Variants in SYNPR observed in about 807,000 individuals in gnomAD.
SYNPR encodes synaptoporin.
A neutral mutation model predicts 32.9 loss-of-function variants in SYNPR; 23 were observed. That is an observed-to-expected ratio of 0.70 (90% CI 0.50 to 0.99). The LOEUF (loss-of-function observed/expected upper bound fraction) is 0.99, where lower values mean the gene tolerates loss of function less well. SYNPR is among the 50% of genes least tolerant of loss of function. The probability of loss-of-function intolerance (pLI) is 0.00; values close to 1 mark genes in which losing one functional copy is unlikely to be tolerated. For missense variants in SYNPR, 318 were observed against 349.3 expected (o/e 0.91, Z 0.71); for synonymous variants, 146 against 135.9 (o/e 1.07, Z -0.52).
chr3:63,411,427 T>C (rs1375867164), intron 2 of SYNPR, among the ~76,000 whole-genome samples: 2 of 152,184 alleles, frequency 1.3e-5, no homozygotes, highest in Non-Finnish European at 2.9e-5. Flanking sequence ...AAGTCAGGCA[T>C]AATCTCAGCT....
At position 63,382,568 on chromosome 3, in the gene SYNPR, T is replaced by C. The variant is rs115437237; in HGVS notation, c.85-98264T>C. On this transcript the variant is annotated intron_variant, in intron 2 of 5. Coordinates refer to ENST00000478300, the MANE Select transcript of SYNPR (RefSeq NM_001130003.2). ...TTGTTGGAACTTTGTCTGCCCTCAT[T>C]GGTATTTCCAGATTGCTGGCTTTTC... 8.2e-3 allele frequency among the ~76,000 whole-genome samples: 1,252 copies of C among 152,344 alleles called. 27 individuals are homozygous for C. The highest frequency in any genetic ancestry group is 0.028 in the African/African-American group (1,181 of 41,572).
intron 4 of SYNPR, among the ~76,000 whole-genome samples, chr3:63,605,843 G>A (rs1334191212): frequency 6.6e-6 from 1 of 152,252 alleles, no homozygotes; most frequent in African/African-American, 2.4e-5. Flanking sequence ...TGGTGAGTCT[G>A]AGCAGCAGAC....
At chr3:63,568,847 T>C (rs919460833) in intron 4 of SYNPR, among the ~76,000 whole-genome samples, 3 of 152,138 alleles carry the variant, frequency 2.0e-5, no homozygotes, top group Non-Finnish European at 4.4e-5. Flanking sequence ...CCTCATGTGA[T>C]TGCTGGTTTG....
intron 2 of SYNPR, among the ~76,000 whole-genome samples, chr3:63,339,165 G>A (rs1377428714): frequency 6.6e-6 from 1 of 152,130 alleles, no homozygotes; most frequent in African/African-American, 2.4e-5. Flanking sequence ...AATCATATCA[G>A]TTATTTTGAC....
At chr3:63,211,667 T>C in the SYNPR span, among the ~76,000 whole-genome samples, 385 of 152,096 alleles carry the variant, frequency 2.5e-3, 6 homozygotes, top group African/African-American at 8.7e-3. Context: ...AATGAAGCAC[T>C]CTGCTGAGAA....
intron 2 of SYNPR, among the ~76,000 whole-genome samples, chr3:63,352,527 G>A (rs1284241481): frequency 6.6e-6 from 1 of 152,154 alleles, no homozygotes; most frequent in African/African-American, 2.4e-5. Flanking sequence ...GATGTAAACA[G>A]AGAATTTGTT....
intron 2 of SYNPR, among the ~76,000 whole-genome samples, chr3:63,425,805 T>A (rs1005593263): frequency 6.7e-6 from 1 of 149,650 alleles, no homozygotes; most frequent in Non-Finnish European, 1.5e-5. Context: ...TTTAGTAAGA[T>A]GAAGTCTTAC....
intron 3 of SYNPR, among the ~76,000 whole-genome samples, chr3:63,504,916 G>T (rs1701557807): frequency 2.0e-5 from 3 of 152,094 alleles, no homozygotes; most frequent in African/African-American, 7.2e-5. Flanking sequence ...TAGGGGAAGT[G>T]ATAAAAAGAG....
chr3:63,297,090 A>C (rs1211671446), intron 2 of SYNPR, among the ~76,000 whole-genome samples: 1 of 152,232 alleles, frequency 6.6e-6, no homozygotes, highest in Non-Finnish European at 1.5e-5. Context: ...TGCCCCATGC[A>C]TCTGGTTTTC....
intron 3 of SYNPR, among the ~76,000 whole-genome samples, chr3:63,532,324 T>C (rs1257548231): frequency 2.0e-5 from 3 of 152,148 alleles, no homozygotes; most frequent in Non-Finnish European, 2.9e-5. Flanking sequence ...GTCTTAGAGG[T>C]TATCAGCATG....
At chr3:63,527,419 C>T (rs538189661) in intron 3 of SYNPR, among the ~76,000 whole-genome samples, 58 of 151,918 alleles carry the variant, frequency 3.8e-4, no homozygotes, top group Non-Finnish European at 2.4e-4. Context: ...CTGTCATTCC[C>T]GTAATAAATA....
In SYNPR at chr3:63,391,742, A is replaced by G. The variant is rs1239290922; in HGVS notation, c.85-89090A>G. 2.0e-5 allele frequency among the ~76,000 whole-genome samples: 3 copies of G among 152,170 alleles called. No homozygotes were observed. The East Asian group carries it at 5.8e-4, about 29-fold the overall frequency. ...GGAAGATTTTGCTGGCTATGATCAT[A>G]TAGGAAGATAGTGGCAGACTGAGAG... On this transcript the variant is annotated intron_variant, in intron 2 of 5. Coordinates refer to ENST00000478300, the MANE Select transcript of SYNPR (RefSeq NM_001130003.2).
chr3:63,414,925 AG>A (rs2088520192), intron 2 of SYNPR, among the ~76,000 whole-genome samples: 1 of 152,202 alleles, frequency 6.6e-6, no homozygotes, highest in Non-Finnish European at 1.5e-5. Flanking sequence ...TATCTCTAAA[AG>A]TGCAAAATTT....
rs553626450 is a variant in SYNPR at position 63,401,140 on chromosome 3, G to T, written c.85-79692G>T. On this transcript the variant is annotated intron_variant, in intron 2 of 5. Transcript: ENST00000478300. ...TATAATGCAGGTGGGAAAAGGAAAA[G>T]AGATAAAACGATGGCATTCATGTAC... Among the ~76,000 whole-genome samples, 11 of 152,194 alleles carry T rather than the reference G, an allele frequency of 7.2e-5. No individual in the cohort carries two copies. In the South Asian group the frequency reaches 2.3e-3, roughly 32 times the overall value.
At chr3:63,570,422 G>C (rs1702866293) in intron 4 of SYNPR, among the ~76,000 whole-genome samples, 1 of 152,146 alleles carries the variant, frequency 6.6e-6, no homozygotes, top group Non-Finnish European at 1.5e-5. Context: ...GCGTTCACAT[G>C]CTCTTCAGAG....
intron 2 of SYNPR, among the ~76,000 whole-genome samples, chr3:63,455,146 T>C (rs1486806505): frequency 6.6e-6 from 1 of 152,142 alleles, no homozygotes; most frequent in East Asian, 1.9e-4. Context: ...AATAGGTACC[T>C]TGAAAATGTT....
intron 2 of SYNPR, among the ~76,000 whole-genome samples, chr3:63,260,920 C>G (rs2086432034): frequency 6.6e-6 from 1 of 151,954 alleles, no homozygotes; most frequent in East Asian, 1.9e-4. Context: ...TGAACAGACA[C>G]TTCTCAAAAG....
the SYNPR span, among the ~76,000 whole-genome samples, chr3:63,202,766 T>G: frequency 1.3e-5 from 2 of 152,102 alleles, no homozygotes; most frequent in African/African-American, 4.8e-5. Flanking sequence ...CCTAGAGATT[T>G]TAACATGTTA....
chr3:63,451,775 A>T (rs1700384032), intron 2 of SYNPR, among the ~76,000 whole-genome samples: 1 of 152,134 alleles, frequency 6.6e-6, no homozygotes, highest in South Asian at 2.1e-4. Context: ...TGGGTTTCTC[A>T]TTAGCCCCCA....
Sources: gnomAD v4.1 joint callset for allele counts (sites outside exome capture counted in the v4.1 genomes callset) on GRCh38, gnomAD v4.1.1 for gene constraint, MANE v1.5 for transcripts, NCBI Gene and HGNC (gene_info 2026-07-23, HGNC 2026-07-21) for gene names.